PDCD11: variants seen among roughly 807,000 people sequenced by gnomAD.
PDCD11 encodes programmed cell death 11, also known as protein RRP5 homolog.
A neutral mutation model predicts 198.9 loss-of-function variants in PDCD11; 97 were observed. The observed-to-expected ratio is 0.49, with a 90% CI of 0.41 to 0.58. The LOEUF is 0.58. PDCD11 is among the 20% of genes least tolerant of loss of function. The pLI is 0.00. For missense variants in PDCD11, 2,102 were observed against 2,312.7 expected, an observed-to-expected ratio of 0.91 and a Z score of 1.87; for synonymous variants, 893 against 918.0, an observed-to-expected ratio of 0.97 and a Z score of 0.49.
intron 1 of PDCD11, among the ~76,000 whole-genome samples, chr10:103,397,446 A>C (rs2093442710): frequency 6.6e-6 from 1 of 151,952 alleles, no homozygotes. Context: ...TTCTCCTTTA[A>C]TTTTTTTGAG....
At chr10:103,445,262 A>G in intron 35 of PDCD11, 116 bp from the exon 36 acceptor site, 1 of 847,890 alleles carries the variant, frequency 1.2e-6, no homozygotes. Context: ...TAGAAGTGGG[A>G]GTCCTGGATG....
At position 103,405,112 on chromosome 10, in the gene PDCD11, A is replaced by G. The variant is rs752026195; in HGVS notation, c.493A>G (p.Ser165Gly). 1.2e-6 allele frequency: 2 copies of G among 1,614,048 alleles called. No individual in the cohort carries two copies. Among genetic ancestry groups the G allele is most frequent in the African/African-American group, 1.3e-5 (1 of 74,928 alleles). ...GGGCATCACAGACAGGGGCAAGAAG[A>G]GTGTCAAGCTGTCTCTGAACCCCAA... is the stretch of plus-strand genomic sequence containing the variant. ...SLGITDRGKK[S>G]VKLSLNPKNV... The change falls in exon 5 of 36, where the codon AGT becomes GGT. Residue 165 changes from serine to glycine, a missense_variant. Physicochemically the swap from Ser to Gly is moderately conservative, Grantham distance 56. Transcript: ENST00000369797.
At chr10:103,417,346 A>G (rs1021514339) in intron 13 of PDCD11, among the ~76,000 whole-genome samples, 12 of 151,988 alleles carry the variant, frequency 7.9e-5, no homozygotes, top group Non-Finnish European at 4.4e-5. Context: ...TAATTTTTGT[A>G]TTTTTAGTAG....
chr10:103,418,004 A>G lies in PDCD11; in HGVS notation c.1911+72A>G, dbSNP rs538746644. The G allele has an allele frequency of 1.7e-4, 257 of 1,534,920 alleles. 4 individuals carry two copies. Among genetic ancestry groups the G allele is most frequent in the African/African-American group, 1.6e-3 (116 of 72,478 alleles). ...GAGCAGGGAACCACTAACACATGGC[A>G]TATTGGAACCCACGAAGCGGAAAGA... On this transcript the variant is annotated intron_variant, in intron 14 of 35. Coordinates refer to ENST00000369797, the MANE Select transcript of PDCD11 (RefSeq NM_014976.2).
intron 9 of PDCD11, 70 bp from the exon 10 acceptor site, chr10:103,413,896 T>C (rs2030946851): frequency 1.4e-6 from 2 of 1,451,510 alleles, no homozygotes; most frequent in East Asian, 2.3e-5. Flanking sequence ...GTCCTCTCTA[T>C]GGGCTGTAAG....
chr10:103,398,498 G>T lies in PDCD11; in HGVS notation c.72G>T (p.Gln24His). The change falls in exon 2 of 36, where the codon CAG (glutamine) becomes CAT (histidine). Residue 24 changes from glutamine to histidine, a missense_variant. By Grantham distance (24) the Gln-to-His change is conservative (BLOSUM62 0). Coordinates refer to ENST00000369797, the MANE Select transcript of PDCD11 (RefSeq NM_014976.2). ...RKIHKPEKAF[Q>H]QSVEQDNLFD... ...TCCACAAACCAGAGAAAGCTTTCCA[G>T]CAGTCAGTTGAACAAGACAACTTAT... The T allele has an allele frequency of 6.2e-7, 1 of 1,613,522 alleles. No homozygotes were observed. Among genetic ancestry groups the T allele is most frequent in the Non-Finnish European group, 8.5e-7 (1 of 1,179,454 alleles).
intron 34 of PDCD11, 168 bp downstream of exon 34, chr10:103,444,236 T>C (rs2032507142): frequency 4.5e-6 from 3 of 663,584 alleles, no homozygotes; most frequent in Non-Finnish European, 7.6e-6. Context: ...AAATTTCAAA[T>C]GTCAGGCTCC....
At chr10:103,429,654 A>G (rs1172975569) in intron 21 of PDCD11, among the ~76,000 whole-genome samples, 1 of 152,266 alleles carries the variant, frequency 6.6e-6, no homozygotes, top group East Asian at 1.9e-4. Context: ...TTACTATAAC[A>G]CATACATTTA....
chr10:103,406,533 G>T lies in PDCD11; in HGVS notation c.689-76G>T, dbSNP rs918347427. ...GCAGGTAGGCCATGGGTCTTTTCAG[G>T]TATTACTTGGGCCCACGTTAAAAGT... On this transcript the variant is annotated intron_variant, in intron 6 of 35. Transcript: ENST00000369797. 21 of 1,349,584 alleles carry T rather than the reference G, an allele frequency of 1.6e-5. No homozygotes were observed. The African/African-American group carries it at 3.1e-4, about 20-fold the overall frequency. The allele number at this position is 1,349,584 out of a possible 1,614,324, so 83.6% of individuals were successfully genotyped here. A position where few individuals can be genotyped will look rare whatever the true frequency, so the allele number is the denominator to read the frequency against.
At position 103,423,147 on chromosome 10, in the gene PDCD11, T is replaced by A. The variant is rs753010207; in HGVS notation, c.2647+10T>A. ...AGATACCATCGCGCAGGTGAGTGCT[T>A]CTGTCTTACCCATTGTGGTTGGTGG... On this transcript the variant is annotated intron_variant, in intron 18 of 35. Transcript: ENST00000369797. 8 of 1,555,410 alleles carry A rather than the reference T, an allele frequency of 5.1e-6. No individual in the cohort carries two copies. The highest frequency in any genetic ancestry group is 1.4e-5 in the African/African-American group (1 of 72,812).
Position 103,419,589 on chromosome 10 carries a change from C to T in PDCD11, c.2158C>T (p.Pro720Ser), listed in dbSNP as rs1436011099. 1.2e-6 allele frequency: 2 copies of T among 1,614,086 alleles called. No homozygotes were observed. Among genetic ancestry groups the T allele is most frequent in the South Asian group, 2.2e-5 (2 of 91,070 alleles). ...CTCCACAGTAGAAGGTGGCCAGGAT[C>T]CCAAGAACTTCTCAGAAATCCATCC... is the stretch of plus-strand genomic sequence containing the variant. Reference protein sequence around the residue: ...LVSTVEGGQDPKNFSEIHPGM... With the variant: ...LVSTVEGGQDSKNFSEIHPGM... The change falls in exon 16 of 36, where the codon CCC becomes TCC. Residue 720 changes from proline (P) to serine (S), a missense_variant. Physicochemically the swap from Pro to Ser is moderately conservative, Grantham distance 74. Transcript: ENST00000369797.
At chr10:103,414,891 C>A (rs1211077804) in intron 11 of PDCD11, 114 bp from the exon 12 acceptor site, 2 of 1,037,712 alleles carry the variant, frequency 1.9e-6, no homozygotes, top group Non-Finnish European at 3.0e-6. Flanking sequence ...GAATAACAGG[C>A]ACAGTTAGCC....
At chr10:103,398,268 C>T (rs193243326) in intron 1 of PDCD11, 148 bp from the exon 2 acceptor site, 22 of 594,252 alleles carry the variant, frequency 3.7e-5, no homozygotes, top group African/African-American at 7.4e-5. Context: ...TGGATTATTC[C>T]GGGCCTGACA....
At chr10:103,422,092 T>TTAC (rs937706868) in intron 17 of PDCD11, among the ~76,000 whole-genome samples, 1 of 145,230 alleles carries the variant, frequency 6.9e-6, no homozygotes, top group African/African-American at 2.6e-5. Context: ...ATTATTATTA[T>TTAC]TATTATTGAG....
rs2031196177 is a variant in PDCD11 at position 103,417,847 on chromosome 10, C to G, written c.1826C>G (p.Ser609Cys). 1.9e-6 allele frequency: 3 copies of G among 1,614,092 alleles called. No individual in the cohort carries two copies. Among genetic ancestry groups the G allele is most frequent in the Non-Finnish European group, 2.5e-6 (3 of 1,179,966 alleles). The change falls in exon 14 of 36, where the codon TCC (serine) becomes TGC (cysteine). Residue 609 changes from serine (S) to cysteine (C), a missense_variant. Physicochemically the swap from Ser to Cys is moderately radical, Grantham distance 112. Transcript: ENST00000369797. Reference sequence around the variant, plus strand: ...CCATCCAAAGAGAGGATGCTCTTATCCTTCAAGCTGTCGAGTGATCCAGAG... The same window carrying G: ...CCATCCAAAGAGAGGATGCTCTTATGCTTCAAGCTGTCGAGTGATCCAGAG... ...CEPSKERMLL[S>C]FKLSSDPEPK...
chr10:103,405,770 A>T (rs1452134975), intron 5 of PDCD11, among the ~76,000 whole-genome samples: 1 of 152,172 alleles, frequency 6.6e-6, no homozygotes, highest in Non-Finnish European at 1.5e-5. Flanking sequence ...GCTGTGTTAA[A>T]CATTCCTCAT....
rs753640970 is a variant in PDCD11 at position 103,406,755 on chromosome 10, C to G, written c.835C>G (p.Leu279Val). The stretch of plus-strand genomic sequence containing the variant: ...GCAGAGCTGGAACCTTAATAACTTG[C>G]TACCAGGACTGGTGGTCAAAGCTCA... The part of the protein sequence containing the change: ...EQQSWNLNNL[L>V]PGLVVKAQVQ... The change falls in exon 7 of 36, where the codon CTA (leucine) becomes GTA (valine). Residue 279 changes from leucine to valine, a missense_variant. Coordinates refer to ENST00000369797, the MANE Select transcript of PDCD11 (RefSeq NM_014976.2). 2.5e-6 allele frequency: 4 copies of G among 1,613,982 alleles called. No homozygotes were observed. The East Asian group carries it at 8.9e-5, about 36-fold the overall frequency.
At position 103,439,729 on chromosome 10, in the gene PDCD11, T is replaced by C. The variant is rs199952009; in HGVS notation, c.4026-17T>C. The C allele has an allele frequency of 3.8e-5, 61 of 1,614,052 alleles. No homozygotes were observed. Among genetic ancestry groups the C allele is most frequent in the Admixed American group, 3.3e-5 (2 of 60,004 alleles). On this transcript the variant is annotated splice_polypyrimidine_tract_variant and intron_variant, in intron 27 of 35. Transcript: ENST00000369797. The stretch of plus-strand genomic sequence containing the variant: ...GTTGCATTTGTGACCACAGGACTCT[T>C]GCCTCTCTCCTTTCAGCCTTGGCCC...
chr10:103,445,391 C>T lies in PDCD11; in HGVS notation c.5458C>T (p.Arg1820Trp), dbSNP rs757099554. Reference sequence around the variant, plus strand: ...TTTCCTCAACAGGGACATCTTTGAGCGGGTCATTCATCTGAGCTTGGCCCC... The same window carrying T: ...TTTCCTCAACAGGGACATCTTTGAGTGGGTCATTCATCTGAGCTTGGCCCC... ...SQKDVRDIFE[R>W]VIHLSLAPKR... is the part of the protein sequence containing the mutation. The change falls in exon 36 of 36, where the codon CGG becomes TGG. Residue 1820 changes from arginine to tryptophan, a missense_variant. By Grantham distance (101) the Arg-to-Trp change is moderately radical. Coordinates refer to ENST00000369797, the MANE Select transcript of PDCD11 (RefSeq NM_014976.2). 17 of 1,614,034 alleles carry T rather than the reference C, an allele frequency of 1.1e-5. No homozygotes were observed. The highest frequency in any genetic ancestry group is 5.0e-5 in the Admixed American group (3 of 60,000).
Sources: allele counts gnomAD v4.1 joint callset (sites outside exome capture counted in the v4.1 genomes callset), GRCh38; gene constraint gnomAD v4.1.1; transcripts MANE v1.5; gene names NCBI Gene and HGNC (gene_info 2026-07-23, HGNC 2026-07-21).